The following STIM2 variants were observed in gnomAD, a reference collection of about 807,000 sequenced individuals.
The protein encoded by STIM2 is stromal interaction molecule 2.
In STIM2, 31 loss-of-function variants were observed where a neutral mutation model predicts 85.8. That is an observed-to-expected ratio of 0.36 (90% CI 0.27 to 0.49). The LOEUF is 0.49. Ranked by LOEUF, STIM2 falls within the 20% of genes least tolerant of loss-of-function variation. The pLI is 0.98. For missense variants in STIM2, 841 were observed against 927.6 expected, an observed-to-expected ratio of 0.91 and a Z score of 1.21; for synonymous variants, 356 against 331.1, an observed-to-expected ratio of 1.08 and a Z score of -0.82.
chr4:26,899,349 C>CAT (rs1401227065), intron 1 of STIM2, among the ~76,000 whole-genome samples: 2 of 152,094 alleles, frequency 1.3e-5, no homozygotes, highest in Admixed American at 6.6e-5. Flanking sequence ...TAGAGCTTTA[C>CAT]ATTTATGTTC....
chr4:26,977,983 T>A (rs1403250069), intron 3 of STIM2, among the ~76,000 whole-genome samples: 3 of 152,156 alleles, frequency 2.0e-5, no homozygotes, highest in African/African-American at 7.2e-5. Flanking sequence ...TCCAGAAATC[T>A]GAATAAGATG....
chr4:27,008,731 T>G (rs1229805999), intron 9 of STIM2, 33 bp from the exon 10 acceptor site: 1 of 1,599,790 alleles, frequency 6.3e-7, no homozygotes, highest in Admixed American at 1.7e-5. Flanking sequence ...GACCTTTTGA[T>G]GCAGTAAGTA....
At chr4:26,993,837 T>G (rs1727855575) in intron 3 of STIM2, among the ~76,000 whole-genome samples, 1 of 152,208 alleles carries the variant, frequency 6.6e-6, no homozygotes, top group South Asian at 2.1e-4. Context: ...TTTTGTTCTG[T>G]GAACAGTTTG....
At chr4:26,889,784 A>T (rs1577418391) in intron 1 of STIM2, among the ~76,000 whole-genome samples, 1 of 152,164 alleles carries the variant, frequency 6.6e-6, no homozygotes, top group Admixed American at 6.5e-5. Context: ...GCTGGCTGGG[A>T]TCTGCAGAAT....
At chr4:26,922,342 G>T (rs1294444319) in intron 2 of STIM2, among the ~76,000 whole-genome samples, 1 of 152,010 alleles carries the variant, frequency 6.6e-6, no homozygotes, top group Non-Finnish European at 1.5e-5. Context: ...AATATGACAG[G>T]ATTAGCTTTG....
intron 2 of STIM2, among the ~76,000 whole-genome samples, chr4:26,951,200 G>A (rs549477109): frequency 1.2e-4 from 19 of 152,006 alleles, no homozygotes; most frequent in Admixed American, 5.9e-4. Flanking sequence ...TTATCTGAGC[G>A]TTACTATAGA....
rs531844338 is a variant in STIM2 at position 26,874,286 on chromosome 4, G to T, written c.151+12917G>T. The T allele has an allele frequency of 7.1e-4, 290 of 405,800 alleles. 2 individuals carry two copies. The highest frequency in any genetic ancestry group is 5.7e-3 in the South Asian group (280 of 49,054). The allele number at this position is 405,800 out of a possible 1,614,324, so 25.1% of individuals were successfully genotyped here. A position where few individuals can be genotyped will look rare whatever the true frequency, so the allele number is the denominator to read the frequency against. On this transcript the variant is annotated intron_variant, in intron 1 of 11. Coordinates refer to ENST00000467087, the MANE Select transcript of STIM2 (RefSeq NM_020860.4). ...TGCAGCTCCTTGCTGTTCTTGAGCT[G>T]CTCCTGGTACTGGAGAGATCTCCGG...
At chr4:26,865,160 T>G (rs921958304) in intron 1 of STIM2, among the ~76,000 whole-genome samples, 2 of 152,212 alleles carry the variant, frequency 1.3e-5, no homozygotes, top group Admixed American at 6.5e-5. Context: ...TCATTACCAG[T>G]GCTTTTCTTC....
intron 1 of STIM2, among the ~76,000 whole-genome samples, chr4:26,907,798 G>A (rs1245374482): frequency 6.6e-6 from 1 of 152,218 alleles, no homozygotes; most frequent in Non-Finnish European, 1.5e-5. Flanking sequence ...TGTTGGATAA[G>A]CAGTTCCCAA....
intron 2 of STIM2, among the ~76,000 whole-genome samples, chr4:26,937,464 C>G (rs1353729542): frequency 6.6e-6 from 1 of 152,018 alleles, no homozygotes; most frequent in Non-Finnish European, 1.5e-5. Context: ...TACTTTTTTG[C>G]GAGTTTAGGA....
intron 1 of STIM2, among the ~76,000 whole-genome samples, chr4:26,910,333 C>T (rs957714003): frequency 1.5e-4 from 23 of 151,510 alleles, no homozygotes; most frequent in African/African-American, 5.1e-4. Flanking sequence ...ACCAGGCTAG[C>T]CAAACATGGT....
intron 1 of STIM2, among the ~76,000 whole-genome samples, chr4:26,883,737 T>C (rs1358516448): frequency 6.6e-6 from 1 of 152,224 alleles, no homozygotes; most frequent in African/African-American, 2.4e-5. Context: ...TATTAATCTC[T>C]TTGAAGGAGA....
intron 3 of STIM2, among the ~76,000 whole-genome samples, chr4:26,987,289 A>G (rs964796010): frequency 3.3e-5 from 5 of 152,152 alleles, no homozygotes; most frequent in Non-Finnish European, 7.3e-5. Context: ...GCTGATCCAA[A>G]ATAGTGACAT....
At chr4:26,929,437 G>T (rs1441373307) in intron 2 of STIM2, among the ~76,000 whole-genome samples, 1 of 151,972 alleles carries the variant, frequency 6.6e-6, no homozygotes, top group Non-Finnish European at 1.5e-5. Context: ...ACCTTTACTG[G>T]CCTTCACTAG....
At chr4:26,917,855 GT>G (rs1197994161) in intron 1 of STIM2, among the ~76,000 whole-genome samples, 1 of 152,112 alleles carries the variant, frequency 6.6e-6, no homozygotes, top group African/African-American at 2.4e-5. Context: ...ACTATATGTT[GT>G]TTTGGTACCT....
chr4:26,965,534 T>C (rs1726684618), intron 3 of STIM2, among the ~76,000 whole-genome samples: 1 of 152,142 alleles, frequency 6.6e-6, no homozygotes, highest in South Asian at 2.1e-4. Flanking sequence ...TGCTGATTGC[T>C]CTTAATCATG....
chr4:26,867,525 TAA>T (rs1307382632), intron 1 of STIM2, among the ~76,000 whole-genome samples: 1 of 152,192 alleles, frequency 6.6e-6, no homozygotes, highest in Admixed American at 6.5e-5. Flanking sequence ...ATAAAAAGGA[TAA>T]GTGTTTCCAG....
intron 3 of STIM2, among the ~76,000 whole-genome samples, chr4:26,982,775 CT>C (rs905174478): frequency 3.4e-4 from 51 of 151,706 alleles, no homozygotes; most frequent in African/African-American, 9.7e-4. Flanking sequence ...CCTTATATTT[CT>C]TTTTTTTTAT....
chr4:26,918,192 G>T lies in STIM2; in HGVS notation c.152-1312G>T, dbSNP rs554909146. Among the ~76,000 whole-genome samples the T allele has an allele frequency of 8.1e-5, 12 of 148,592 alleles. No individual in the cohort carries two copies. The East Asian group carries it at 2.2e-3, about 27-fold the overall frequency. On this transcript the variant is annotated intron_variant, in intron 1 of 11. Transcript: ENST00000467087. ...GTTAAAACACCAAAATATTTTTTCA[G>T]CTGTAATTGGAACATGTTAGGTAAT...
Sources: gnomAD v4.1 joint callset for allele counts (sites outside exome capture counted in the v4.1 genomes callset) on GRCh38, gnomAD v4.1.1 for gene constraint, MANE v1.5 for transcripts, NCBI Gene and HGNC (gene_info 2026-07-23, HGNC 2026-07-21) for gene names.